SMR3B: variants seen among roughly 807,000 people sequenced by gnomAD.
SMR3B encodes the protein submaxillary gland androgen regulated protein 3B.
For missense variants in SMR3B, 114 were observed against 99.9 expected, an observed-to-expected ratio of 1.14 and a Z score of -0.60; for synonymous variants, 42 against 36.1, an observed-to-expected ratio of 1.16 and a Z score of -0.59.
At position 70,390,107 on chromosome 4, in the gene SMR3B, T is replaced by A. The variant is rs768487226; in HGVS notation, c.*259T>A. On this transcript the variant is annotated 3_prime_UTR_variant, in exon 3 of 3. Transcript: ENST00000304915. ...CAAGAGACATTTACATAAAATTGCT[T>A]CCATTTTTGGATGAGAATGAAAAAT... 2.5e-5 allele frequency: 19 copies of A among 764,688 alleles called. 1 individual carries two copies. In the South Asian group the frequency reaches 2.8e-4, roughly 11 times the overall value. 47.4% of individuals were successfully genotyped at this position (764,688 alleles called of 1,614,324 possible).
In SMR3B at chr4:70,389,664, C is replaced by G. The variant is rs369866667; in HGVS notation, c.56C>G (p.Pro19Arg). ...GLWALAACFTPGESQRGPRGP... is the reference protein window; with the variant it reads ...GLWALAACFTRGESQRGPRGP... Reference sequence around the variant, plus strand: ...ATTATTTACTTCTTATTTCCACAGCCTGGTGAGAGTCAAAGAGGCCCCAGG... The same window carrying G: ...ATTATTTACTTCTTATTTCCACAGCGTGGTGAGAGTCAAAGAGGCCCCAGG... Residue 19 changes from proline (P) to arginine (R), a missense_variant and splice_region_variant, in exon 3 of 3, where the codon CCT becomes CGT. Pro to Arg is a moderately radical substitution (Grantham distance 103). Coordinates refer to ENST00000304915, the MANE Select transcript of SMR3B (RefSeq NM_006685.4). 107 of 1,613,282 alleles carry G rather than the reference C, an allele frequency of 6.6e-5. No individual in the cohort carries two copies. Among genetic ancestry groups the G allele is most frequent in the Non-Finnish European group, 8.7e-5 (103 of 1,179,586 alleles).
chr4:70,384,251 G>A (rs565742876), intron 1 of SMR3B, among the ~76,000 whole-genome samples: 4 of 152,116 alleles, frequency 2.6e-5, no homozygotes, highest in Admixed American at 2.0e-4. Flanking sequence ...CAACTCTTTG[G>A]CATTATCCCC....
At chr4:70,389,507 T>G (rs1435072827) in intron 2 of SMR3B, among the ~76,000 whole-genome samples, 156 bp from the exon 3 acceptor site, 1 of 152,194 alleles carries the variant, frequency 6.6e-6, no homozygotes, top group African/African-American at 2.4e-5. Flanking sequence ...GAACCTTTTT[T>G]AAAAGGGCTC....
chr4:70,389,761 T>TCCA lies in SMR3B; in HGVS notation c.156_158dup (p.Pro53dup). The TCCA allele has an allele frequency of 6.2e-7, 1 of 1,613,996 alleles. No homozygotes were observed. The highest frequency in any genetic ancestry group is 8.5e-7 in the Non-Finnish European group (1 of 1,179,984). On this transcript the variant is annotated inframe_insertion, in exon 3 of 3. Coordinates refer to ENST00000304915, the MANE Select transcript of SMR3B (RefSeq NM_006685.4). ...CAGGATTTGTTCCACCACCTCCTCC[T>TCCA]CCACCCTATGGTCCAGGGAGAATCC...
rs193128054 is a variant in SMR3B, at chr4:70,385,429, A to C, written c.54+865A>C. On this transcript the variant is annotated intron_variant, in intron 2 of 2. Coordinates refer to ENST00000304915, the MANE Select transcript of SMR3B (RefSeq NM_006685.4). ...TTTTTTTTTTTTTTTTTTGAAACAG[A>C]CTCTCGCTCTGTCGCCCAGGCTGGA... Among the ~76,000 whole-genome samples, 87 of 132,200 alleles carry C rather than the reference A, an allele frequency of 6.6e-4. No individual in the cohort carries two copies. In the East Asian group the frequency reaches 0.016, roughly 25 times the overall value. The allele number at this position is 132,200 out of a possible 152,430, so 86.7% of individuals were successfully genotyped here.
In SMR3B at chr4:70,390,086, A is replaced by G; in HGVS notation, c.*238A>G. 1 of 834,738 alleles carries G rather than the reference A, an allele frequency of 1.2e-6. No homozygotes were observed. Among genetic ancestry groups the G allele is most frequent in the Non-Finnish European group, 2.0e-6 (1 of 494,142 alleles). The allele number at this position is 834,738 out of a possible 1,614,324, so 51.7% of individuals were successfully genotyped here. ...TATGAATTCCAACACTGCTTCCAAG[A>G]GACATTTACATAAAATTGCTTCCAT... On this transcript the variant is annotated 3_prime_UTR_variant, in exon 3 of 3. Transcript: ENST00000304915.
At position 70,389,949 on chromosome 4, in the gene SMR3B, C is replaced by G. The variant is rs779421457; in HGVS notation, c.*101C>G. 6.3e-7 allele frequency: 1 copy of G among 1,594,002 alleles called. No homozygotes were observed. The highest frequency in any genetic ancestry group is 8.6e-7 in the Non-Finnish European group (1 of 1,161,890). On this transcript the variant is annotated 3_prime_UTR_variant, in exon 3 of 3. Coordinates refer to ENST00000304915, the MANE Select transcript of SMR3B (RefSeq NM_006685.4). The stretch of plus-strand genomic sequence containing the variant: ...CCATTTTTCCCTGTAAATTCTCCAA[C>G]TGATCCTACCCTCCCTACTCCTGCA...
Position 70,389,920 on chromosome 4 carries a change from A to T in SMR3B, c.*72A>T. ...CCCGACCAAGACCCTATCCACCTGGACCTCCATTTTTCCCTGTAAATTCTC... is the reference window on the plus strand; with the variant it reads ...CCCGACCAAGACCCTATCCACCTGGTCCTCCATTTTTCCCTGTAAATTCTC... On this transcript the variant is annotated 3_prime_UTR_variant, in exon 3 of 3. Transcript: ENST00000304915. 1.2e-6 allele frequency: 2 copies of T among 1,605,892 alleles called. No homozygotes were observed. The highest frequency in any genetic ancestry group is 1.7e-6 in the Non-Finnish European group (2 of 1,173,120).
intron 2 of SMR3B, 132 bp from the exon 3 acceptor site, chr4:70,389,531 A>T (rs1167041322): frequency 1.2e-6 from 1 of 860,516 alleles, no homozygotes; most frequent in Non-Finnish European, 1.8e-6. Flanking sequence ...TGATAAGGTC[A>T]GGCCAGCATG....
At position 70,390,003 on chromosome 4, in the gene SMR3B, C is replaced by T; in HGVS notation, c.*155C>T. On this transcript the variant is annotated 3_prime_UTR_variant, in exon 3 of 3. Coordinates refer to ENST00000304915, the MANE Select transcript of SMR3B (RefSeq NM_006685.4). ...CAAATATGAACAACTGCAGCAGGTG[C>T]CACCACCACCACAAAAGACACCACT... 1 of 1,409,638 alleles carries T rather than the reference C, an allele frequency of 7.1e-7. No homozygotes were observed. 87.3% of individuals were successfully genotyped at this position (1,409,638 alleles called of 1,614,324 possible).
chr4:70,384,745 T>C (rs1577875978), intron 2 of SMR3B, 181 bp downstream of exon 2: 1 of 1,257,092 alleles, frequency 8.0e-7, no homozygotes, highest in Non-Finnish European at 1.1e-6. Flanking sequence ...CACACATGTC[T>C]GATGGCTGCC....
chr4:70,390,157 G>A lies in SMR3B; in HGVS notation c.*309G>A. On this transcript the variant is annotated 3_prime_UTR_variant, in exon 3 of 3. Coordinates refer to ENST00000304915, the MANE Select transcript of SMR3B (RefSeq NM_006685.4). ...TTCCAAAAGTGCTGAGCTTTGGGGA[G>A]AAATAATCTTAGAAAGAAATTGTAG... The A allele has an allele frequency of 1.5e-6, 1 of 647,882 alleles. No homozygotes were observed. The highest frequency in any genetic ancestry group is 2.8e-6 in the Non-Finnish European group (1 of 363,456). 40.1% of individuals were successfully genotyped at this position (647,882 alleles called of 1,614,324 possible).
Position 70,389,698 on chromosome 4 carries a change from T to A in SMR3B, c.90T>A (p.Tyr30Ter), listed in dbSNP as rs1732727652. ...GESQRGPRGPYPPGPLAPPQP... is the reference protein window; with the variant it reads ...GESQRGPRGP The stretch of plus-strand genomic sequence containing the variant: ...GTCAAAGAGGCCCCAGGGGACCATA[T>A]CCACCTGGACCGCTGGCTCCTCCTC... Residue 30 changes from tyrosine (Y) to a stop codon, truncating the protein, a stop_gained, in exon 3 of 3, where the codon TAT (tyrosine) becomes TAA (stop). Transcript: ENST00000304915. LOFTEE classifies it low-confidence loss of function (END_TRUNC). 6.2e-7 allele frequency: 1 copy of A among 1,613,990 alleles called. No homozygotes were observed. The highest frequency in any genetic ancestry group is 1.7e-5 in the Admixed American group (1 of 59,998).
Position 70,390,031 on chromosome 4 carries a change from C to G in SMR3B, c.*183C>G, listed in dbSNP as rs540663808. 295 of 1,188,252 alleles carry G rather than the reference C, an allele frequency of 2.5e-4. 4 individuals are homozygous for G. The South Asian group carries it at 3.2e-3, about 13-fold the overall frequency. 73.6% of individuals were successfully genotyped at this position (1,188,252 alleles called of 1,614,324 possible). ...CCACCACCACAAAAGACACCACTAC[C>G]CTTGTAACTACTGCTTCTACTACCC... On this transcript the variant is annotated 3_prime_UTR_variant, in exon 3 of 3. Transcript: ENST00000304915.
chr4:70,390,010 C>A lies in SMR3B; in HGVS notation c.*162C>A. 1 of 1,406,866 alleles carries A rather than the reference C, an allele frequency of 7.1e-7. No homozygotes were observed. The highest frequency in any genetic ancestry group is 1.0e-6 in the Non-Finnish European group (1 of 992,998). 87.1% of individuals were successfully genotyped at this position (1,406,866 alleles called of 1,614,324 possible). ...GAACAACTGCAGCAGGTGCCACCAC[C>A]ACCACAAAAGACACCACTACCCTTG... On this transcript the variant is annotated 3_prime_UTR_variant, in exon 3 of 3. Coordinates refer to ENST00000304915, the MANE Select transcript of SMR3B (RefSeq NM_006685.4).
intron 1 of SMR3B, 70 bp from the exon 2 acceptor site, chr4:70,384,427 T>C: frequency 8.8e-6 from 14 of 1,594,910 alleles, no homozygotes; most frequent in Non-Finnish European, 1.2e-5. Context: ...TATCCAAGTG[T>C]TGAGACATTT....
chr4:70,389,058 G>T (rs1732713827), intron 2 of SMR3B, among the ~76,000 whole-genome samples: 1 of 152,036 alleles, frequency 6.6e-6, no homozygotes, highest in Non-Finnish European at 1.5e-5. Flanking sequence ...TTTGATAATA[G>T]ACTTTCAGAC....
chr4:70,385,699 C>T (rs1301862037), intron 2 of SMR3B, among the ~76,000 whole-genome samples: 1 of 151,866 alleles, frequency 6.6e-6, no homozygotes, highest in Non-Finnish European at 1.5e-5. Flanking sequence ...CCACCGTGCC[C>T]GGCCTCATCT....
In SMR3B at chr4:70,383,885, C is replaced by T. The variant is rs995132691; in HGVS notation, c.-14-612C>T. On this transcript the variant is annotated intron_variant, in intron 1 of 2. Coordinates refer to ENST00000304915, the MANE Select transcript of SMR3B (RefSeq NM_006685.4). ...CATCTCCATGTTCTTGCCTTGGTCT[C>T]TGATATATGGATTTTTGGAAGCACT... Among the ~76,000 whole-genome samples, 2 of 152,194 alleles carry T rather than the reference C, an allele frequency of 1.3e-5. 1 individual carries two copies. Among genetic ancestry groups the T allele is most frequent in the Non-Finnish European group, 2.9e-5 (2 of 67,990 alleles).
Sources: allele counts gnomAD v4.1 joint callset (sites outside exome capture counted in the v4.1 genomes callset), GRCh38; gene constraint gnomAD v4.1.1; transcripts MANE v1.5; gene names NCBI Gene and HGNC (gene_info 2026-07-23, HGNC 2026-07-21).